Variants in TGIF1 observed in about 807,000 individuals in gnomAD.
TGIF1 encodes the protein TGFB induced factor homeobox 1.
Under a neutral mutation model 19.3 loss-of-function variants are expected in TGIF1, and 4 were observed. That is an observed-to-expected ratio of 0.21 (90% confidence interval 0.10 to 0.47). The LOEUF (loss-of-function observed/expected upper bound fraction) is 0.47, where lower values mean the gene tolerates loss of function less well. Ranked by LOEUF, TGIF1 falls within the 20% of genes least tolerant of loss-of-function variation. The probability of loss-of-function intolerance (pLI) is 0.98; values close to 1 mark genes in which losing one functional copy is unlikely to be tolerated. For synonymous variants in TGIF1, 122 were observed against 129.3 expected (o/e 0.94, Z 0.38); for missense variants, 275 against 341.4 (o/e 0.81, Z 1.53).
Position 3,421,575 on chromosome 18 carries a change from G to C in TGIF1, c.-45+3360G>C, listed in dbSNP as rs2082398037. Among the ~76,000 whole-genome samples, 2 of 151,484 alleles carry C rather than the reference G, an allele frequency of 1.3e-5. 1 individual carries two copies. The highest frequency in any genetic ancestry group is 4.2e-4 in the South Asian group (2 of 4,792). ...TTACAGGCATGCACCACCAAACCCA[G>C]CTAATTTTGTATTTTTAGTAGAGAC... On this transcript the variant is annotated intron_variant, in intron 2 of 3. Transcript: ENST00000401449.
intron 2 of TGIF1, among the ~76,000 whole-genome samples, chr18:3,425,083 G>A (rs1046887041): frequency 6.6e-6 from 1 of 152,238 alleles, no homozygotes; most frequent in Non-Finnish European, 1.5e-5. Flanking sequence ...GATGTCTAAA[G>A]TGGGGCAGTC....
At chr18:3,454,643 G>A (rs187278575) in intron 1 of TGIF1, among the ~76,000 whole-genome samples, 183 of 152,278 alleles carry the variant, frequency 1.2e-3, no homozygotes, top group African/African-American at 4.2e-3. Context: ...AGTGAAAGTA[G>A]TTTCAGTTTT....
At chr18:3,446,480 T>G (rs1329642379), upstream of TGIF1, among the ~76,000 whole-genome samples, 2 of 152,166 alleles carry the variant, frequency 1.3e-5, no homozygotes, top group Non-Finnish European at 2.9e-5. Context: ...CACAGCGCCC[T>G]GCCTATCTTT....
At chr18:3,452,148 T>C in intron 1 of TGIF1, 2 of 1,613,822 alleles carry the variant, frequency 1.2e-6, no homozygotes, top group South Asian at 1.1e-5. Flanking sequence ...CCGCGGCACT[T>C]TGGCCTACCT....
intron 2 of TGIF1, among the ~76,000 whole-genome samples, chr18:3,436,477 G>C (rs2082615554): frequency 6.6e-6 from 1 of 152,180 alleles, no homozygotes; most frequent in Admixed American, 6.5e-5. Flanking sequence ...TGTCTGGAGT[G>C]GATGTAGGTT....
intron 1 of TGIF1, chr18:3,455,617 G>GA (rs1370606130): frequency 4.6e-5 from 7 of 152,690 alleles, no homozygotes; most frequent in Admixed American, 2.6e-4. Flanking sequence ...ACCAGTAGTA[G>GA]AAAAATATTT....
Position 3,450,204 on chromosome 18 carries a change from G to A in TGIF1, c.-286G>A. 1 of 1,379,594 alleles carries A rather than the reference G, an allele frequency of 7.2e-7. No individual in the cohort carries two copies. The highest frequency in any genetic ancestry group is 9.4e-7 in the Non-Finnish European group (1 of 1,067,200). 85.5% of individuals were successfully genotyped at this position (1,379,594 alleles called of 1,614,324 possible). On this transcript the variant is annotated 5_prime_UTR_variant, in exon 1 of 3. Transcript: ENST00000343820. ...CAGCGCCGAGGTGCGCCGAGCAGGA[G>A]CAGGGAACAAAGGAGCGGAGAGGGG...
intron 2 of TGIF1, among the ~76,000 whole-genome samples, chr18:3,443,929 ATTCT>A (rs1317780720): frequency 1.3e-4 from 19 of 150,340 alleles, no homozygotes; most frequent in Admixed American, 9.3e-4. Context: ...AAATGATTGT[ATTCT>A]TTCTTTTTTT....
At chr18:3,450,669 G>A (rs1303843246) in intron 1 of TGIF1, among the ~76,000 whole-genome samples, 164 bp downstream of exon 1, 1 of 152,202 alleles carries the variant, frequency 6.6e-6, no homozygotes, top group African/African-American at 2.4e-5. Context: ...AACGGCAGCG[G>A]CTGTTTTCCT....
chr18:3,427,622 C>T (rs1180363969), intron 2 of TGIF1, among the ~76,000 whole-genome samples: 20 of 142,920 alleles, frequency 1.4e-4, no homozygotes, highest in Admixed American at 1.3e-3. Context: ...TTTTTTGAGA[C>T]GGGGTTTCCC....
chr18:3,428,425 T>A (rs538675), intron 2 of TGIF1, among the ~76,000 whole-genome samples: 16,136 of 151,152 alleles, frequency 0.11, 1,021 homozygotes, highest in Middle Eastern at 0.13. Context: ...TTAATTAAAA[T>A]TTTTTTTTTA....
Position 3,459,316 on chromosome 18 carries a change from C to T in TGIF1, c.*1376C>T, listed in dbSNP as rs1014983712. On this transcript the variant is annotated 3_prime_UTR_variant, in exon 3 of 3. Coordinates refer to ENST00000343820, the MANE Select transcript of TGIF1 (RefSeq NM_003244.4). ...ATTTTGAAACTATTTTAGAAAGTCC[C>T]TACTGTAGAAAGAGCTAAACTCAAA... 3 of 152,056 alleles carry T rather than the reference C, an allele frequency of 2.0e-5. No individual in the cohort carries two copies. The highest frequency in any genetic ancestry group is 7.2e-5 in the African/African-American group (3 of 41,380). 9.4% of individuals were successfully genotyped at this position (152,056 alleles called of 1,614,324 possible).
chr18:3,416,515 C>CA (rs1370606629), intron 1 of TGIF1, among the ~76,000 whole-genome samples: 2 of 152,000 alleles, frequency 1.3e-5, no homozygotes, highest in African/African-American at 4.8e-5. Context: ...GATTCTGTCT[C>CA]AAAAAAACAA....
At chr18:3,433,121 T>G (rs917124319) in intron 2 of TGIF1, among the ~76,000 whole-genome samples, 2 of 151,940 alleles carry the variant, frequency 1.3e-5, no homozygotes, top group African/African-American at 4.8e-5. Flanking sequence ...TCACCCAGGT[T>G]TGAGTGCAGT....
At position 3,424,377 on chromosome 18, in the gene TGIF1, C is replaced by A. The variant is rs1004792775; in HGVS notation, c.-45+6162C>A. On this transcript the variant is annotated intron_variant, in intron 2 of 3. Transcript: ENST00000401449. Reference sequence around the variant, plus strand: ...CATGCAGTCAAGTTTTTACTGTAATCCATGGGTGGGAAGTTCAGCCACACC... The same window carrying A: ...CATGCAGTCAAGTTTTTACTGTAATACATGGGTGGGAAGTTCAGCCACACC... Among the ~76,000 whole-genome samples, 4 of 152,028 alleles carry A rather than the reference C, an allele frequency of 2.6e-5. No individual in the cohort carries two copies. In the East Asian group the frequency reaches 7.7e-4, roughly 29 times the overall value.
chr18:3,421,948 C>T (rs1455644973), intron 2 of TGIF1, among the ~76,000 whole-genome samples: 1 of 151,944 alleles, frequency 6.6e-6, no homozygotes, highest in Non-Finnish European at 1.5e-5. Flanking sequence ...AATCCCAGCA[C>T]TTTGCGAGGC....
chr18:3,416,338 A>G (rs565327110), intron 1 of TGIF1, among the ~76,000 whole-genome samples: 1 of 151,870 alleles, frequency 6.6e-6, no homozygotes, highest in Admixed American at 6.6e-5. Context: ...GGACAACATG[A>G]TGAAACTCCA....
intron 1 of TGIF1, 107 bp downstream of exon 1, chr18:3,450,612 T>C: frequency 1.3e-6 from 2 of 1,543,276 alleles, no homozygotes; most frequent in African/African-American, 2.7e-5. Flanking sequence ...GCCCAGGGGC[T>C]CTCATGCTGG....
In TGIF1 at chr18:3,451,751, T is replaced by C. The variant is rs2082944085; in HGVS notation, c.16+1246T>C. ...GCGAGAGTGAAATTAAACTTGAAACTCGGATCAACTGGCAGTCGTTGTTGG... is the reference window on the plus strand; with the variant it reads ...GCGAGAGTGAAATTAAACTTGAAACCCGGATCAACTGGCAGTCGTTGTTGG... On this transcript the variant is annotated intron_variant, in intron 1 of 2. Transcript: ENST00000343820. The surrounding 1 kb of genome is among the most constrained non-coding windows in gnomAD (Gnocchi z 5.4). 8.0e-7 allele frequency: 1 copy of C among 1,246,568 alleles called. No individual in the cohort carries two copies. Among genetic ancestry groups the C allele is most frequent in the East Asian group, 3.1e-5 (1 of 32,022 alleles). 77.2% of individuals were successfully genotyped at this position (1,246,568 alleles called of 1,614,324 possible). A position where few individuals can be genotyped will look rare whatever the true frequency, so the allele number is the denominator to read the frequency against.
Sources: allele counts gnomAD v4.1 joint callset (sites outside exome capture counted in the v4.1 genomes callset), GRCh38; gene constraint gnomAD v4.1.1; non-coding constraint Gnocchi (gnomAD v3.1); transcripts MANE v1.5; gene names NCBI Gene and HGNC (gene_info 2026-07-23, HGNC 2026-07-21).